Variants in DCTN6 observed in about 807,000 individuals in gnomAD.
DCTN6 encodes the protein dynactin subunit 6.
DCTN6 carries 15 observed loss-of-function variants against 25.8 expected under a neutral mutation model. The ratio of observed to expected loss-of-function variants is 0.58; its 90% CI spans 0.39 to 0.89. The LOEUF is 0.89. Among genes scored for constraint, DCTN6 ranks in the 40% least tolerant of loss-of-function variants. The probability of loss-of-function intolerance (pLI) is 0.00; values close to 1 mark genes in which losing one functional copy is unlikely to be tolerated. For missense variants in DCTN6, 198 were observed against 237.6 expected, an observed-to-expected ratio of 0.83 and a Z score of 1.09; for synonymous variants, 64 against 78.3, an observed-to-expected ratio of 0.82 and a Z score of 0.96.
chr8:30,171,412 G>A (rs548798120), intron 2 of DCTN6, among the ~76,000 whole-genome samples: 1 of 151,986 alleles, frequency 6.6e-6, no homozygotes, highest in East Asian at 1.9e-4. Context: ...ACCATAACTG[G>A]CCAATTTTTT....
chr8:30,156,443 T>C lies in DCTN6; in HGVS notation c.23+37T>C, dbSNP rs748897577. 1.6e-5 allele frequency: 25 copies of C among 1,585,692 alleles called. No homozygotes were observed. In the South Asian group the frequency reaches 2.6e-4, roughly 17 times the overall value. ...GCTTGAGAAAAGCCTTTTCTCAGCT[T>C]TCCGTAGGGGTGGAACCTGTTCCTG... On this transcript the variant is annotated intron_variant, in intron 1 of 6. Coordinates refer to ENST00000221114, the MANE Select transcript of DCTN6 (RefSeq NM_006571.4).
Position 30,179,510 on chromosome 8 carries a change from G to A in DCTN6, c.331+55G>A. 2.7e-6 allele frequency: 4 copies of A among 1,503,868 alleles called. No individual in the cohort carries two copies. The South Asian group carries it at 4.8e-5, about 18-fold the overall frequency. The allele number at this position is 1,503,868 out of a possible 1,614,324, so 93.2% of individuals were successfully genotyped here. On this transcript the variant is annotated intron_variant, in intron 5 of 6. Transcript: ENST00000221114. ...AGCAGTGACCTCTTTTCTCTTTGTG[G>A]TGTCCTGGGAAACAACCTAATAGAA...
At chr8:30,180,358 A>C (rs187921318) in intron 5 of DCTN6, 130 bp from the exon 6 acceptor site, 1 of 1,184,110 alleles carries the variant, frequency 8.4e-7, no homozygotes, top group Non-Finnish European at 1.2e-6. Flanking sequence ...ACAAACTCCA[A>C]ACTGATGTAT....
chr8:30,180,451 G>A, intron 5 of DCTN6, 37 bp from the exon 6 acceptor site: 1 of 1,594,792 alleles, frequency 6.3e-7, no homozygotes, highest in Non-Finnish European at 8.6e-7. Context: ...ATCATTTGAT[G>A]TCTTAAGTTG....
In DCTN6 at chr8:30,177,109, G is replaced by C. The variant is rs773759401; in HGVS notation, c.195-17G>C. 2.5e-6 allele frequency: 4 copies of C among 1,589,286 alleles called. No homozygotes were observed. In the South Asian group the frequency reaches 4.6e-5, roughly 18 times the overall value. ...GTGTTATTGACTTTTTGGATGATTTGTTTCTTCTGTTTACAGTTACCCAGA... is the reference window on the plus strand; with the variant it reads ...GTGTTATTGACTTTTTGGATGATTTCTTTCTTCTGTTTACAGTTACCCAGA... On this transcript the variant is annotated splice_polypyrimidine_tract_variant and intron_variant, in intron 3 of 6. Coordinates refer to ENST00000221114, the MANE Select transcript of DCTN6 (RefSeq NM_006571.4).
rs149611524 is a variant in DCTN6, at chr8:30,168,988, T to C, written c.88+4813T>C. On this transcript the variant is annotated intron_variant, in intron 2 of 6. Transcript: ENST00000221114. ...GCTGAAAACATTTCTGAAAGGTACC[T>C]TGAAGCACCGTCCCGTGGTCCATTA... Among the ~76,000 whole-genome samples the C allele has an allele frequency of 1.4e-4, 22 of 152,354 alleles. 1 individual carries two copies. The highest frequency in any genetic ancestry group is 5.1e-4 in the African/African-American group (21 of 41,578).
chr8:30,179,566 G>C (rs1803886722), intron 5 of DCTN6, 111 bp downstream of exon 5: 4 of 841,450 alleles, frequency 4.8e-6, no homozygotes, highest in Non-Finnish European at 7.2e-6. Context: ...TTGGAAGTGG[G>C]CTACAATAGC....
At chr8:30,161,252 C>T (rs1272976346) in intron 1 of DCTN6, among the ~76,000 whole-genome samples, 2 of 152,298 alleles carry the variant, frequency 1.3e-5, no homozygotes, top group East Asian at 3.9e-4. Context: ...TTTCCTGAGG[C>T]CTCCCCAGTC....
intron 5 of DCTN6, 118 bp downstream of exon 5, chr8:30,179,573 T>A: frequency 1.3e-6 from 1 of 771,288 alleles, no homozygotes; most frequent in Non-Finnish European, 2.0e-6. Context: ...TGGGCTACAA[T>A]AGCTGGCGAA....
At chr8:30,175,265 C>T (rs1248276447) in intron 3 of DCTN6, 75 bp downstream of exon 3, 3 of 1,299,924 alleles carry the variant, frequency 2.3e-6, no homozygotes, top group Admixed American at 2.0e-5. Flanking sequence ...TCTGTAAGAA[C>T]CTTTTCAGCT....
intron 1 of DCTN6, among the ~76,000 whole-genome samples, chr8:30,156,919 C>T (rs1419470969): frequency 1.3e-5 from 2 of 152,182 alleles, no homozygotes; most frequent in East Asian, 3.9e-4. Context: ...AGGGGGGCCG[C>T]GCCTGGACTT....
chr8:30,164,259 A>G (rs1803636032), intron 2 of DCTN6, 84 bp downstream of exon 2: 14 of 1,057,396 alleles, frequency 1.3e-5, no homozygotes, highest in East Asian at 2.5e-5. Flanking sequence ...ACCGTCTTCC[A>G]TGTTTATTTC....
At chr8:30,176,642 C>T (rs1803839516) in intron 3 of DCTN6, 1 of 153,290 alleles carries the variant, frequency 6.5e-6, no homozygotes, top group African/African-American at 2.4e-5. Context: ...CAAAATCAAG[C>T]CTTCTCTAGC....
chr8:30,176,954 TAG>T (rs1585505111), intron 3 of DCTN6, 170 bp from the exon 4 acceptor site: 1 of 513,350 alleles, frequency 1.9e-6, no homozygotes, highest in Non-Finnish European at 3.5e-6. Flanking sequence ...GCCTGGGTGA[TAG>T]AGTGAGATTC....
chr8:30,180,631 GTACTAGAACC>G lies in DCTN6; in HGVS notation c.474+3_474+12del, dbSNP rs1457404882. On this transcript the variant is annotated splice_donor_variant and splice_donor_5th_base_variant and intron_variant, in intron 6 of 6. Coordinates refer to ENST00000221114, the MANE Select transcript of DCTN6 (RefSeq NM_006571.4). LOFTEE classifies it high-confidence loss of function. Reference sequence around the variant, plus strand: ...TCGGGTGCAGACTGAGCGACCGCAGGTACTAGAACCTCTCTTTAAAAAGAGTTCTATCTGC... The same window carrying G: ...TCGGGTGCAGACTGAGCGACCGCAGGTCTCTTTAAAAAGAGTTCTATCTGC... The G allele has an allele frequency of 3.1e-6, 5 of 1,613,304 alleles. No homozygotes were observed. Among genetic ancestry groups the G allele is most frequent in the Non-Finnish European group, 4.2e-6 (5 of 1,179,792 alleles).
At chr8:30,182,981 T>G in intron 6 of DCTN6, 94 bp from the exon 7 acceptor site, 9 of 985,116 alleles carry the variant, frequency 9.1e-6, no homozygotes, top group East Asian at 2.5e-5. Flanking sequence ...CCCAAAGTGC[T>G]GAGATTACAG....
chr8:30,169,440 C>A (rs1803731969), intron 2 of DCTN6, among the ~76,000 whole-genome samples: 1 of 152,146 alleles, frequency 6.6e-6, no homozygotes, highest in Non-Finnish European at 1.5e-5. Context: ...GCACCAAGCC[C>A]AGCCAACCAT....
At chr8:30,171,379 A>G (rs764397665) in intron 2 of DCTN6, among the ~76,000 whole-genome samples, 2 of 151,914 alleles carry the variant, frequency 1.3e-5, no homozygotes, top group Non-Finnish European at 2.9e-5. Context: ...CCTCCCAAGT[A>G]GTTGGGACCA....
At chr8:30,181,869 G>GAAA (rs61484281) in intron 6 of DCTN6, among the ~76,000 whole-genome samples, 1 of 126,766 alleles carries the variant, frequency 7.9e-6, no homozygotes, top group African/African-American at 2.9e-5. Flanking sequence ...GCCTGGGAAA[G>GAAA]AAAAAAAAAA....
Sources: allele counts gnomAD v4.1 joint callset (sites outside exome capture counted in the v4.1 genomes callset), GRCh38; gene constraint gnomAD v4.1.1; transcripts MANE v1.5; gene names NCBI Gene and HGNC (gene_info 2026-07-23, HGNC 2026-07-21).